NCAM2: variants seen among roughly 807,000 people sequenced by gnomAD.
NCAM2 encodes neural cell adhesion molecule 2, also known as N-CAM-2.
Under a neutral mutation model 98.1 loss-of-function variants are expected in NCAM2, and 30 were observed. The observed-to-expected ratio is 0.31, with a 90% CI of 0.23 to 0.41. The LOEUF (loss-of-function observed/expected upper bound fraction) is 0.41, where lower values mean the gene tolerates loss of function less well. NCAM2 is among the 10% of genes least tolerant of loss of function. The pLI is 1.00. For synonymous variants in NCAM2, 368 were observed against 342.4 expected (o/e 1.07, Z -0.83); for missense variants, 867 against 1,005.8 (o/e 0.86, Z 1.87).
At chr21:21,524,400 A>T (rs1989203308) in intron 16 of NCAM2, among the ~76,000 whole-genome samples, 1 of 150,014 alleles carries the variant, frequency 6.7e-6, no homozygotes, top group African/African-American at 2.5e-5. Flanking sequence ...ACGCTGCCCT[A>T]TAAGGAACTC....
intron 9 of NCAM2, among the ~76,000 whole-genome samples, chr21:21,376,123 G>C (rs924706170): frequency 6.6e-6 from 1 of 151,558 alleles, no homozygotes; most frequent in Non-Finnish European, 1.5e-5. Context: ...AAGATAAGAG[G>C]GTTTAAAGAA....
chr21:21,359,647 C>A (rs1286847885), intron 8 of NCAM2, among the ~76,000 whole-genome samples: 2 of 151,814 alleles, frequency 1.3e-5, no homozygotes, highest in Non-Finnish European at 2.9e-5. Context: ...TATTTATATA[C>A]TAAAAGTGAT....
intron 9 of NCAM2, among the ~76,000 whole-genome samples, chr21:21,400,081 A>T (rs2076596331): frequency 6.6e-6 from 1 of 152,200 alleles, no homozygotes; most frequent in Admixed American, 6.5e-5. Context: ...GACATGCTTT[A>T]AATTGACACC....
intron 1 of NCAM2, among the ~76,000 whole-genome samples, chr21:21,207,268 A>G (rs1260903190): frequency 6.6e-6 from 1 of 152,272 alleles, no homozygotes; most frequent in East Asian, 1.9e-4. Context: ...TAATTTAAAG[A>G]GTGGGAAATA....
Position 21,225,475 on chromosome 21 carries a change from C to T in NCAM2, c.56-55103C>T, listed in dbSNP as rs189299928. Among the ~76,000 whole-genome samples, 142 of 151,974 alleles carry T rather than the reference C, an allele frequency of 9.3e-4. 1 individual carries two copies. Among genetic ancestry groups the T allele is most frequent in the African/African-American group, 1.1e-3 (46 of 41,460 alleles). ...TTGAAGGTGATGAAATTTACATATA[C>T]GGCAGTTTATAGAATTTCTCAAAGC... On this transcript the variant is annotated intron_variant, in intron 1 of 17. Transcript: ENST00000400546.
chr21:21,227,841 G>A (rs537853503), intron 1 of NCAM2, among the ~76,000 whole-genome samples: 1 of 151,868 alleles, frequency 6.6e-6, no homozygotes, highest in East Asian at 1.9e-4. Context: ...ATAAGTTAAA[G>A]AGCTTTTGTG....
At chr21:21,385,693 C>T in intron 9 of NCAM2, 1 of 1,276,822 alleles carries the variant, frequency 7.8e-7, no homozygotes, top group African/African-American at 1.5e-5. Context: ...ACTAAACTTC[C>T]AATTTCTAAA....
At chr21:21,467,414 A>G (rs1421251333) in intron 13 of NCAM2, among the ~76,000 whole-genome samples, 1 of 144,746 alleles carries the variant, frequency 6.9e-6, no homozygotes, top group Non-Finnish European at 1.5e-5. Flanking sequence ...GTATATGTGT[A>G]TATATATATC....
intron 1 of NCAM2, among the ~76,000 whole-genome samples, chr21:21,088,396 A>T (rs1460677597): frequency 6.6e-6 from 1 of 152,180 alleles, no homozygotes; most frequent in Non-Finnish European, 1.5e-5. Flanking sequence ...AATTATATGT[A>T]ATTGTGTATA....
intron 9 of NCAM2, among the ~76,000 whole-genome samples, chr21:21,378,304 C>G (rs931483790): frequency 1.3e-5 from 2 of 151,870 alleles, no homozygotes; most frequent in Non-Finnish European, 2.9e-5. Flanking sequence ...ACATTCCCAA[C>G]AAGTGTTCCT....
chr21:21,168,399 C>T (rs756715245), intron 1 of NCAM2, among the ~76,000 whole-genome samples: 1 of 152,040 alleles, frequency 6.6e-6, no homozygotes, highest in Non-Finnish European at 1.5e-5. Context: ...TCAGGATACC[C>T]CTTCTCATTA....
At chr21:21,141,830 T>G (rs1054401406) in intron 1 of NCAM2, among the ~76,000 whole-genome samples, 1 of 152,202 alleles carries the variant, frequency 6.6e-6, no homozygotes, top group Non-Finnish European at 1.5e-5. Flanking sequence ...GTGAACTGAT[T>G]AACTGATTAC....
intron 12 of NCAM2, among the ~76,000 whole-genome samples, chr21:21,442,875 T>C (rs1979507703): frequency 6.6e-6 from 1 of 152,182 alleles, no homozygotes; most frequent in African/African-American, 2.4e-5. Context: ...ACTTGAAATA[T>C]TTTTTAAGGG....
intron 16 of NCAM2, among the ~76,000 whole-genome samples, chr21:21,520,095 C>A (rs1378529674): frequency 6.6e-6 from 1 of 151,904 alleles, no homozygotes; most frequent in African/African-American, 2.4e-5. Flanking sequence ...ACTTTTTAAT[C>A]AAATTATCTT....
chr21:21,370,402 C>T (rs1209683332), intron 8 of NCAM2, among the ~76,000 whole-genome samples: 1 of 151,728 alleles, frequency 6.6e-6, no homozygotes, highest in Non-Finnish European at 1.5e-5. Flanking sequence ...ATTGTACATG[C>T]CATCAAATGT....
chr21:21,332,511 A>T (rs563547430), intron 6 of NCAM2, among the ~76,000 whole-genome samples: 1 of 152,006 alleles, frequency 6.6e-6, no homozygotes, highest in East Asian at 1.9e-4. Flanking sequence ...GAGCTTCTGG[A>T]ATTATTGTAC....
At chr21:21,230,095 C>G (rs1244090500) in intron 1 of NCAM2, among the ~76,000 whole-genome samples, 2 of 151,002 alleles carry the variant, frequency 1.3e-5, no homozygotes, top group African/African-American at 4.8e-5. Context: ...TGTCTAAATT[C>G]TCATATTCAT....
At chr21:21,164,816 T>C (rs932739431) in intron 1 of NCAM2, among the ~76,000 whole-genome samples, 2 of 152,184 alleles carry the variant, frequency 1.3e-5, no homozygotes, top group African/African-American at 4.8e-5. Flanking sequence ...ATAAAAACTT[T>C]ACCAATGTAG....
At chr21:21,507,101 T>G (rs756451229) in intron 15 of NCAM2, among the ~76,000 whole-genome samples, 1 of 151,624 alleles carries the variant, frequency 6.6e-6, no homozygotes, top group Non-Finnish European at 1.5e-5. Context: ...AACTTAAACC[T>G]ATTTTTTGAA....
Sources: gnomAD v4.1 joint callset for allele counts (sites outside exome capture counted in the v4.1 genomes callset) on GRCh38, gnomAD v4.1.1 for gene constraint, MANE v1.5 for transcripts, NCBI Gene and HGNC (gene_info 2026-07-23, HGNC 2026-07-21) for gene names.